Variants in KIF1B observed in about 807,000 individuals in gnomAD.
The protein encoded by KIF1B is kinesin family member 1B.
Under a neutral mutation model 241.9 loss-of-function variants are expected in KIF1B, and 76 were observed. The observed-to-expected ratio is 0.31, with a 90% CI of 0.26 to 0.38. The LOEUF (loss-of-function observed/expected upper bound fraction) is 0.38, where lower values mean the gene tolerates loss of function less well. Ranked by LOEUF, KIF1B falls within the 10% of genes least tolerant of loss-of-function variation. The pLI is 1.00. For missense variants in KIF1B, 1,622 were observed against 2,271.4 expected, an observed-to-expected ratio of 0.71 and a Z score of 5.81; for synonymous variants, 750 against 796.7, an observed-to-expected ratio of 0.94 and a Z score of 0.99.
chr1:10,284,944 C>T (rs1002981344), intron 15 of KIF1B, among the ~76,000 whole-genome samples: 1 of 152,090 alleles, frequency 6.6e-6, no homozygotes, highest in African/African-American at 2.4e-5. Context: ...TTCTGCAACA[C>T]CTAGCAAAGG....
rs114410953 is a variant in KIF1B at position 10,344,022 on chromosome 1, G to A, written c.3688+735G>A. Among the ~76,000 whole-genome samples, 1,112 of 151,846 alleles carry A rather than the reference G, an allele frequency of 7.3e-3. 7 individuals carry two copies. Among genetic ancestry groups the A allele is most frequent in the Non-Finnish European group, 0.012 (819 of 67,972 alleles). On this transcript the variant is annotated intron_variant, in intron 34 of 48. Coordinates refer to ENST00000676179, the MANE Select transcript of KIF1B (RefSeq NM_001365951.3). The stretch of plus-strand genomic sequence containing the variant: ...TGTCCTTTTTCCTCATTGCCTATTC[G>A]CCAAATTCCCACCCCACCCTGTGCT...
chr1:10,280,334 A>C (rs1263932170), intron 14 of KIF1B, among the ~76,000 whole-genome samples: 2 of 151,788 alleles, frequency 1.3e-5, no homozygotes, highest in Non-Finnish European at 2.9e-5. Flanking sequence ...GCCTGGGTTC[A>C]AGCGATTTCT....
At chr1:10,352,566 C>G in intron 37 of KIF1B, 65 bp from the exon 38 acceptor site, 1 of 1,374,058 alleles carries the variant, frequency 7.3e-7, no homozygotes, top group Non-Finnish European at 1.0e-6. Context: ...CTCTTTTGGG[C>G]TTAATGAATT....
chr1:10,214,914 T>G (rs1646743203), intron 1 of KIF1B, among the ~76,000 whole-genome samples: 1 of 151,694 alleles, frequency 6.6e-6, no homozygotes, highest in African/African-American at 2.4e-5. Flanking sequence ...GAGATAAAGT[T>G]AACTCCAACT....
chr1:10,303,884 A>C lies in KIF1B; in HGVS notation c.2115+6638A>C. ...AAAGGAGACAATGGAGAACTTGCAA[A>C]AGAAGAACGTGTTTCCCAGCTGATG... On this transcript the variant is annotated intron_variant, in intron 22 of 48. Transcript: ENST00000676179. This position sits in a 1 kb window ranked among gnomAD's most constrained non-coding sequence, Gnocchi z 5.2. The C allele has an allele frequency of 6.2e-7, 1 of 1,614,214 alleles. No homozygotes were observed.
intron 1 of KIF1B, among the ~76,000 whole-genome samples, chr1:10,219,648 C>T (rs111469379): frequency 0.036 from 5,472 of 151,816 alleles, 340 homozygotes; most frequent in African/African-American, 0.12. Context: ...ATCCCAGCTA[C>T]TCGGGAGGCT....
At chr1:10,222,723 G>T (rs1211333155) in intron 1 of KIF1B, among the ~76,000 whole-genome samples, 3 of 152,122 alleles carry the variant, frequency 2.0e-5, no homozygotes, top group East Asian at 1.9e-4. Flanking sequence ...ATGTTTTATT[G>T]TCTCTTTAAT....
chr1:10,337,728 C>A lies in KIF1B; in HGVS notation c.3422+195C>A, dbSNP rs1167532183. 6.6e-6 allele frequency among the ~76,000 whole-genome samples: 1 copy of A among 152,090 alleles called. No individual in the cohort carries two copies. Among genetic ancestry groups the A allele is most frequent in the Non-Finnish European group, 1.5e-5 (1 of 68,012 alleles). On this transcript the variant is annotated intron_variant, in intron 31 of 48. Coordinates refer to ENST00000676179, the MANE Select transcript of KIF1B (RefSeq NM_001365951.3). The surrounding 1 kb of genome is among the most constrained non-coding windows in gnomAD (Gnocchi z 4.0). ...CCTGTCCTGGAATGCAACAGGGTTC[C>A]CTGGCAGGAGGAGCATGCTGCACAT... is the stretch of plus-strand genomic sequence containing the variant.
At chr1:10,235,824 T>G (rs1279992201) in intron 2 of KIF1B, among the ~76,000 whole-genome samples, 1 of 133,836 alleles carries the variant, frequency 7.5e-6, no homozygotes, top group Admixed American at 8.6e-5. Context: ...ATCACACCAC[T>G]GCACTCCGGC....
chr1:10,360,751 T>C (rs1242148374), intron 38 of KIF1B, among the ~76,000 whole-genome samples, 178 bp from the exon 39 acceptor site: 3 of 151,570 alleles, frequency 2.0e-5, no homozygotes, highest in Non-Finnish European at 4.4e-5. Context: ...AGCAAGAGGA[T>C]GGGGACCTAT....
rs1266920257 is a variant in KIF1B at position 10,304,378 on chromosome 1, C to G, written c.2115+7132C>G. ...TGGCCAGCCGAAAAGTACGCGCTGC[C>G]AGGCATCTGCCTCCGCGGAGTCATT... On this transcript the variant is annotated intron_variant, in intron 22 of 48. Coordinates refer to ENST00000676179, the MANE Select transcript of KIF1B (RefSeq NM_001365951.3). 1 of 1,614,078 alleles carries G rather than the reference C, an allele frequency of 6.2e-7. No homozygotes were observed. Among genetic ancestry groups the G allele is most frequent in the Non-Finnish European group, 8.5e-7 (1 of 1,180,042 alleles).
At chr1:10,299,764 C>G (rs1166141944) in intron 22 of KIF1B, among the ~76,000 whole-genome samples, 1 of 152,036 alleles carries the variant, frequency 6.6e-6, no homozygotes, top group African/African-American at 2.4e-5. Flanking sequence ...TCTGTGCTTG[C>G]TTTTTACACA....
intron 5 of KIF1B, among the ~76,000 whole-genome samples, chr1:10,265,232 A>T (rs1324795155): frequency 6.8e-6 from 1 of 146,118 alleles, no homozygotes; most frequent in African/African-American, 2.5e-5. Flanking sequence ...TTATTTATTT[A>T]TTTATTTATT....
chr1:10,346,400 T>A (rs897357702), intron 35 of KIF1B, among the ~76,000 whole-genome samples: 1 of 152,104 alleles, frequency 6.6e-6, no homozygotes, highest in Non-Finnish European at 1.5e-5. Context: ...AGGCTTGCTC[T>A]GTTGCCCAGG....
At chr1:10,234,108 G>C (rs1647017742) in intron 2 of KIF1B, among the ~76,000 whole-genome samples, 1 of 152,098 alleles carries the variant, frequency 6.6e-6, no homozygotes, top group Non-Finnish European at 1.5e-5. Context: ...GCTCTGCTTT[G>C]CCTTGAGTAT....
At chr1:10,235,862 CAAAAAAAAAAAA>C (rs70997211) in intron 2 of KIF1B, among the ~76,000 whole-genome samples, 2 of 70,380 alleles carry the variant, frequency 2.8e-5, no homozygotes, top group Non-Finnish European at 5.4e-5. Context: ...AACACTGTCT[CAAAAAAAAAAAA>C]AAAAAAAAAG....
At chr1:10,347,855 C>G (rs761953657) in intron 36 of KIF1B, 28 bp downstream of exon 36, 5 of 1,543,406 alleles carry the variant, frequency 3.2e-6, no homozygotes, top group Non-Finnish European at 4.5e-6. Flanking sequence ...AAACAGGCAT[C>G]GGAGGGAACA....
At chr1:10,362,336 T>C (rs1248335249) in intron 40 of KIF1B, among the ~76,000 whole-genome samples, 1 of 151,318 alleles carries the variant, frequency 6.6e-6, no homozygotes, top group East Asian at 2.0e-4. Context: ...ATTACCCAGG[T>C]GTGGTGACAC....
At position 10,303,092 on chromosome 1, in the gene KIF1B, A is replaced by G. The variant is rs1435186521; in HGVS notation, c.2115+5846A>G. On this transcript the variant is annotated intron_variant, in intron 22 of 48. Coordinates refer to ENST00000676179, the MANE Select transcript of KIF1B (RefSeq NM_001365951.3). The surrounding 1 kb of genome is among the most constrained non-coding windows in gnomAD (Gnocchi z 5.2). ...GGCTTTTTTGCTTGCTTTTTCTTCG[A>G]TTTAATTTTCCTTTTTTACATTTTA... The G allele has an allele frequency of 9.1e-6, 14 of 1,533,404 alleles. No individual in the cohort carries two copies. The highest frequency in any genetic ancestry group is 4.2e-5 in the African/African-American group (3 of 71,246). 95.0% of individuals were successfully genotyped at this position (1,533,404 alleles called of 1,614,324 possible). A position where few individuals can be genotyped will look rare whatever the true frequency, so the allele number is the denominator to read the frequency against.
Sources: gnomAD v4.1 joint callset for allele counts (sites outside exome capture counted in the v4.1 genomes callset) on GRCh38, gnomAD v4.1.1 for gene constraint, Gnocchi (gnomAD v3.1) non-coding constraint, MANE v1.5 for transcripts, NCBI Gene and HGNC (gene_info 2026-07-23, HGNC 2026-07-21) for gene names.